Variants in SNX1 observed in about 807,000 individuals in gnomAD.
The protein encoded by SNX1 is sorting nexin-1.
A neutral mutation model predicts 71.8 loss-of-function variants in SNX1; 36 were observed. The ratio of observed to expected loss-of-function variants is 0.50; its 90% CI spans 0.38 to 0.66. The LOEUF (loss-of-function observed/expected upper bound fraction) is 0.66, where lower values mean the gene tolerates loss of function less well. Ranked by LOEUF, SNX1 falls within the 30% of genes least tolerant of loss-of-function variation. SNX1 has a pLI of 0.00. For missense variants in SNX1, 612 were observed against 646.7 expected, an observed-to-expected ratio of 0.95 and a Z score of 0.58; for synonymous variants, 254 against 240.7, an observed-to-expected ratio of 1.06 and a Z score of -0.51.
intron 1 of SNX1, among the ~76,000 whole-genome samples, chr15:64,096,548 C>T (rs182991719): frequency 2.3e-4 from 35 of 152,352 alleles, no homozygotes; most frequent in African/African-American, 8.2e-4. Flanking sequence ...GACCTTTCCC[C>T]CGTCTTACTG....
chr15:64,136,193 A>T (rs2081357689), intron 12 of SNX1, 137 bp from the exon 13 acceptor site: 1 of 684,080 alleles, frequency 1.5e-6, no homozygotes, highest in Non-Finnish European at 2.6e-6. Flanking sequence ...ATCCTCTGTG[A>T]CACCTCATCT....
Position 64,138,187 on chromosome 15 carries a change from AC to A in SNX1, c.*571del. Reference sequence around the variant, plus strand: ...TTCTTTCTCTCCGCCTACCTCAGCTACCTGTTCTGAGGGTCTCAATCTGTTT... The same window carrying A: ...TTCTTTCTCTCCGCCTACCTCAGCTACTGTTCTGAGGGTCTCAATCTGTTT... On this transcript the variant is annotated 3_prime_UTR_variant, in exon 15 of 15. Transcript: ENST00000559844. 6.5e-7 allele frequency: 1 copy of A among 1,534,876 alleles called. No individual in the cohort carries two copies. Among genetic ancestry groups the A allele is most frequent in the Non-Finnish European group, 8.7e-7 (1 of 1,146,666 alleles).
At chr15:64,124,423 C>T (rs1441155779) in intron 5 of SNX1, among the ~76,000 whole-genome samples, 3 of 148,844 alleles carry the variant, frequency 2.0e-5, no homozygotes, top group African/African-American at 5.0e-5. Context: ...AGGAGAATGG[C>T]GTGAACCCGG....
chr15:64,112,471 C>A, intron 1 of SNX1, 102 bp from the exon 2 acceptor site: 1 of 654,718 alleles, frequency 1.5e-6, no homozygotes. Context: ...ATTGAACTGG[C>A]TGACTGGTGG....
chr15:64,126,219 A>AG lies in SNX1; in HGVS notation c.652+1dup. On this transcript the variant is annotated frameshift_variant and splice_region_variant, in exon 6 of 15. Transcript: ENST00000559844. LOFTEE classifies it high-confidence loss of function. ...CTCCGCCCCCGGAGAAGAGCCTCATAGGTAAGCCTGTGGTCTTTCATTCCA... is the reference window on the plus strand; with the variant it reads ...CTCCGCCCCCGGAGAAGAGCCTCATAGGGTAAGCCTGTGGTCTTTCATTCCA... The AG allele has an allele frequency of 6.2e-7, 1 of 1,612,206 alleles. No individual in the cohort carries two copies. Among genetic ancestry groups the AG allele is most frequent in the Non-Finnish European group, 8.5e-7 (1 of 1,179,570 alleles).
intron 4 of SNX1, among the ~76,000 whole-genome samples, chr15:64,119,901 C>CATTT (rs1271153911): frequency 6.6e-6 from 1 of 152,138 alleles, no homozygotes; most frequent in Non-Finnish European, 1.5e-5. Context: ...TTGAAACTCT[C>CATTT]ATTTATACAC....
intron 2 of SNX1, among the ~76,000 whole-genome samples, chr15:64,116,068 A>G (rs1434189933): frequency 6.6e-6 from 1 of 152,210 alleles, no homozygotes; most frequent in East Asian, 1.9e-4. Flanking sequence ...CTAATAGCCT[A>G]CTGTTGACTG....
Position 64,120,780 on chromosome 15 carries a change from G to T in SNX1, c.466+1926G>T, listed in dbSNP as rs539079583. On this transcript the variant is annotated intron_variant, in intron 4 of 14. Transcript: ENST00000559844. ...CATTTGAGCCTGGAAGGTCAAGGCT[G>T]CAGTGAGCTGAGGTAATACTACTGC... Among the ~76,000 whole-genome samples, 3 of 152,300 alleles carry T rather than the reference G, an allele frequency of 2.0e-5. No homozygotes were observed. In the East Asian group the frequency reaches 5.8e-4, roughly 29 times the overall value.
chr15:64,121,943 T>C (rs2081200557), intron 4 of SNX1, among the ~76,000 whole-genome samples: 1 of 152,240 alleles, frequency 6.6e-6, no homozygotes, highest in African/African-American at 2.4e-5. Context: ...TTTAGAGCCT[T>C]GGTAATTTGC....
chr15:64,118,993 C>G (rs2081163061), intron 4 of SNX1, 139 bp downstream of exon 4: 6 of 607,086 alleles, frequency 9.9e-6, no homozygotes, highest in Non-Finnish European at 1.7e-5. Context: ...TAAAAGTAGA[C>G]CCCTTGCTAT....
intron 6 of SNX1, among the ~76,000 whole-genome samples, chr15:64,126,966 A>G (rs141567641): frequency 6.6e-5 from 10 of 152,240 alleles, no homozygotes; most frequent in African/African-American, 2.4e-4. Context: ...CAAGTCCTAG[A>G]GTTTAGAACC....
intron 4 of SNX1, among the ~76,000 whole-genome samples, chr15:64,120,854 A>G (rs966619039): frequency 6.6e-6 from 1 of 151,608 alleles, no homozygotes; most frequent in African/African-American, 2.4e-5. Flanking sequence ...AAGAAAAAAA[A>G]TTTTTTTTTA....
At chr15:64,115,947 A>C (rs1270289276) in intron 2 of SNX1, among the ~76,000 whole-genome samples, 1 of 152,214 alleles carries the variant, frequency 6.6e-6, no homozygotes, top group African/African-American at 2.4e-5. Flanking sequence ...TGCTTGTTTC[A>C]GAGACTTCTA....
At position 64,139,105 on chromosome 15, in the gene SNX1, A is replaced by C. The variant is rs371613469; in HGVS notation, c.*1487A>C. On this transcript the variant is annotated 3_prime_UTR_variant, in exon 15 of 15. Coordinates refer to ENST00000559844, the MANE Select transcript of SNX1 (RefSeq NM_003099.5). Reference sequence around the variant, plus strand: ...CTACCCCTCAGTATCCTTACCATCAACTTTGGTTTTATCCTTCCAGTCTTT... The same window carrying C: ...CTACCCCTCAGTATCCTTACCATCACCTTTGGTTTTATCCTTCCAGTCTTT... 3.9e-5 allele frequency: 6 copies of C among 152,164 alleles called. No individual in the cohort carries two copies. The East Asian group carries it at 1.2e-3, about 29-fold the overall frequency. The allele number at this position is 152,164 out of a possible 1,614,324, so 9.4% of individuals were successfully genotyped here. A position where few individuals can be genotyped will look rare whatever the true frequency, so the allele number is the denominator to read the frequency against.
intron 12 of SNX1, chr15:64,135,016 T>A: frequency 1.7e-6 from 1 of 584,632 alleles, no homozygotes; most frequent in Non-Finnish European, 2.8e-6. Context: ...CGCAGACTTG[T>A]CAAATCAGAA....
In SNX1 at chr15:64,141,349, G is replaced by A. The variant is rs1010602024; in HGVS notation, c.*3731G>A. Reference sequence around the variant, plus strand: ...TATCCTGAGGCTGGCGGGGCCAGTTGTCTTTAGGGCTTGTGCATTTTTGTA... The same window carrying A: ...TATCCTGAGGCTGGCGGGGCCAGTTATCTTTAGGGCTTGTGCATTTTTGTA... On this transcript the variant is annotated 3_prime_UTR_variant, in exon 15 of 15. Transcript: ENST00000559844. This position sits in a 1 kb window ranked among gnomAD's most constrained non-coding sequence, Gnocchi z 5.1. 11 of 152,200 alleles carry A rather than the reference G, an allele frequency of 7.2e-5. No individual in the cohort carries two copies. Among genetic ancestry groups the A allele is most frequent in the Non-Finnish European group, 1.3e-4 (9 of 68,060 alleles). 9.4% of individuals were successfully genotyped at this position (152,200 alleles called of 1,614,324 possible).
rs74963382 is a variant in SNX1 at position 64,142,328 on chromosome 15, A to C, written c.*4710A>C. On this transcript the variant is annotated 3_prime_UTR_variant, in exon 15 of 15. Transcript: ENST00000559844. The stretch of plus-strand genomic sequence containing the variant: ...AGGTGACAGAGCAAGATCTTGTCTC[A>C]AAAAAAAAAGCAGCTCTGGATGGGA... The C allele has an allele frequency of 5.9e-5, 12 of 203,164 alleles. No individual in the cohort carries two copies. The South Asian group carries it at 7.9e-4, about 13-fold the overall frequency. 12.6% of individuals were successfully genotyped at this position (203,164 alleles called of 1,614,324 possible). A position where few individuals can be genotyped will look rare whatever the true frequency, so the allele number is the denominator to read the frequency against.
At position 64,136,396 on chromosome 15, in the gene SNX1, G is replaced by C; in HGVS notation, c.1432G>C (p.Val478Leu). The C allele has an allele frequency of 6.2e-7, 1 of 1,613,982 alleles. No homozygotes were observed. Among genetic ancestry groups the C allele is most frequent in the Non-Finnish European group, 8.5e-7 (1 of 1,179,820 alleles). ...GATTTCAACAGTGGTCCGAAAAGAA[G>C]TGATACGGTTTGAGGTGAGATAGAA... ...ERISTVVRKE[V>L]IRFEKEKSKD... Residue 478 changes from valine to leucine, a missense_variant, in exon 13 of 15, where the codon GTG becomes CTG. Transcript: ENST00000559844.
chr15:64,126,635 A>C (rs919209974), intron 6 of SNX1, among the ~76,000 whole-genome samples: 2 of 152,126 alleles, frequency 1.3e-5, no homozygotes, highest in East Asian at 3.9e-4. Context: ...GTTGGAGTGC[A>C]GTGGCGCGAT....
Sources: allele counts gnomAD v4.1 joint callset (sites outside exome capture counted in the v4.1 genomes callset), GRCh38; gene constraint gnomAD v4.1.1; non-coding constraint Gnocchi (gnomAD v3.1); transcripts MANE v1.5; gene names NCBI Gene and HGNC (gene_info 2026-07-23, HGNC 2026-07-21).